SCOC: variants seen among roughly 807,000 people sequenced by gnomAD.
SCOC encodes short coiled coil protein.
SCOC carries 7 observed loss-of-function variants against 9.9 expected under a neutral mutation model. The ratio of observed to expected loss-of-function variants is 0.71; its 90% CI spans 0.40 to 1.33. SCOC has a LOEUF of 1.33. SCOC is among the 40% of genes most tolerant of loss of function. SCOC has a pLI of 0.01. For synonymous variants in SCOC, 19 were observed against 28.2 expected (o/e 0.67, Z 1.03); for missense variants, 66 against 89.7 (o/e 0.74, Z 1.07).
At chr4:140,293,364 G>A (rs539126091) in intron 1 of SCOC, 16 of 456,922 alleles carry the variant, frequency 3.5e-5, no homozygotes, top group Middle Eastern at 3.2e-4. Flanking sequence ...TGTGTCTTGT[G>A]TCTTCTGAGC....
At chr4:140,352,653 TAAG>T (rs1727030968) in intron 2 of SCOC, among the ~76,000 whole-genome samples, 1 of 152,206 alleles carries the variant, frequency 6.6e-6, no homozygotes, top group Non-Finnish European at 1.5e-5. Context: ...TAAACAAGCT[TAAG>T]AAATGGCATG....
intron 1 of SCOC, among the ~76,000 whole-genome samples, chr4:140,280,606 C>G (rs902230898): frequency 4.6e-5 from 7 of 152,158 alleles, no homozygotes; most frequent in African/African-American, 1.7e-4. Context: ...ACTTGGTATG[C>G]GTCTAGAATA....
At chr4:140,337,260 A>G (rs2126502461) in intron 1 of SCOC, among the ~76,000 whole-genome samples, 1 of 152,234 alleles carries the variant, frequency 6.6e-6, no homozygotes, top group Admixed American at 6.6e-5. Context: ...CAATTTATCT[A>G]TTTTTTCTTT....
chr4:140,340,721 G>A (rs190531978), upstream of SCOC, among the ~76,000 whole-genome samples: 18 of 148,658 alleles, frequency 1.2e-4, no homozygotes, highest in African/African-American at 4.2e-4. Flanking sequence ...AGTTAAAAGT[G>A]AGCCTCTTTT....
chr4:140,341,214 T>A (rs967737209), upstream of SCOC, among the ~76,000 whole-genome samples: 2 of 152,114 alleles, frequency 1.3e-5, no homozygotes, highest in African/African-American at 4.8e-5. Flanking sequence ...ATAAAGTTGG[T>A]TGTAAATAAT....
chr4:140,354,025 A>C (rs569674954), intron 2 of SCOC, among the ~76,000 whole-genome samples: 1 of 152,342 alleles, frequency 6.6e-6, no homozygotes, highest in Non-Finnish European at 1.5e-5. Context: ...GTTGTTTGAA[A>C]AGCTTGTATT....
Position 140,378,535 on chromosome 4 carries a change from A to G in SCOC, c.-50-586A>G, listed in dbSNP as rs531072154. Among the ~76,000 whole-genome samples the G allele has an allele frequency of 3.9e-5, 6 of 152,218 alleles. No individual in the cohort carries two copies. The South Asian group carries it at 1.0e-3, about 26-fold the overall frequency. On this transcript the variant is annotated intron_variant, in intron 1 of 3. Coordinates refer to ENST00000608372, the MANE Select transcript of SCOC (RefSeq NM_001153484.2). ...GCTTGGGTCCAGGAGTTTAATACAG[A>G]CTGGGCAACTTGGCAAGACCCTCAT... is the stretch of plus-strand genomic sequence containing the variant.
At chr4:140,273,142 C>T (rs1730886861) in intron 1 of SCOC, among the ~76,000 whole-genome samples, 1 of 152,130 alleles carries the variant, frequency 6.6e-6, no homozygotes, top group Admixed American at 6.5e-5. Flanking sequence ...CAGCTCCTTC[C>T]TGAGGAGATG....
chr4:140,347,245 G>C (rs1726778277), intron 2 of SCOC, among the ~76,000 whole-genome samples: 1 of 152,128 alleles, frequency 6.6e-6, no homozygotes, highest in Non-Finnish European at 1.5e-5. Flanking sequence ...ATATGGAACT[G>C]TTTGGTGTTT....
At chr4:140,363,038 T>A (rs1727638166) in intron 2 of SCOC, among the ~76,000 whole-genome samples, 1 of 152,156 alleles carries the variant, frequency 6.6e-6, no homozygotes, top group Non-Finnish European at 1.5e-5. Flanking sequence ...AAGAGCAAGC[T>A]TGCTTCCACT....
At chr4:140,305,534 A>T (rs1241437086) in intron 1 of SCOC, among the ~76,000 whole-genome samples, 2 of 152,252 alleles carry the variant, frequency 1.3e-5, no homozygotes, top group Non-Finnish European at 2.9e-5. Flanking sequence ...ACCAACAAAC[A>T]AATGAACAAA....
rs1361371449 is a variant in SCOC at position 140,366,348 on chromosome 4, T to TTC, written c.71-12771_71-12770dup. The TTC allele has an allele frequency of 1.1e-5, 15 of 1,309,810 alleles. No homozygotes were observed. The African/African-American group carries it at 1.5e-4, about 13-fold the overall frequency. The allele number at this position is 1,309,810 out of a possible 1,614,324, so 81.1% of individuals were successfully genotyped here. A position where few individuals can be genotyped will look rare whatever the true frequency, so the allele number is the denominator to read the frequency against. Reference sequence around the variant, plus strand: ...GCCTGTGGCTTTCTGGGCAGGAAGCTTCTAAGCTGGAGCCTTCTTGCCTGC... The same window carrying TTC: ...GCCTGTGGCTTTCTGGGCAGGAAGCTTCTCTAAGCTGGAGCCTTCTTGCCTGC... On this transcript the variant is annotated intron_variant, in intron 2 of 4. Coordinates refer to the SCOC transcript ENST00000338517.
chr4:140,379,681 A>G (rs1421493440), intron 3 of SCOC, 29 bp downstream of exon 3: 14 of 1,470,292 alleles, frequency 9.5e-6, no homozygotes, highest in Non-Finnish European at 1.3e-5. Context: ...GTTTATTTGA[A>G]TGACAGCCAA....
At chr4:140,291,893 C>T (rs1392518590) in intron 1 of SCOC, among the ~76,000 whole-genome samples, 1 of 152,164 alleles carries the variant, frequency 6.6e-6, no homozygotes, top group African/African-American at 2.4e-5. Flanking sequence ...TAAGAAAGGA[C>T]TAGAGAACTC....
intron 2 of SCOC, among the ~76,000 whole-genome samples, chr4:140,357,970 A>G (rs905702554): frequency 6.6e-6 from 1 of 151,782 alleles, no homozygotes; most frequent in South Asian, 2.1e-4. Flanking sequence ...TCTGTGGTGT[A>G]TGTCTCCTTT....
Position 140,383,847 on chromosome 4 carries a change from C to T in SCOC, c.*2743C>T, listed in dbSNP as rs1728634842. Reference sequence around the variant, plus strand: ...CCACAACCAAGCTTTTGACCAAATTCTCAAAGTATGTATTATTTTTGCCTT... The same window carrying T: ...CCACAACCAAGCTTTTGACCAAATTTTCAAAGTATGTATTATTTTTGCCTT... On this transcript the variant is annotated 3_prime_UTR_variant, in exon 4 of 4. Coordinates refer to ENST00000608372, the MANE Select transcript of SCOC (RefSeq NM_001153484.2). The T allele has an allele frequency of 6.6e-6, 1 of 152,200 alleles. No homozygotes were observed. Among genetic ancestry groups the T allele is most frequent in the African/African-American group, 2.4e-5 (1 of 41,450 alleles). The allele number at this position is 152,200 out of a possible 1,614,324, so 9.4% of individuals were successfully genotyped here. A position where few individuals can be genotyped will look rare whatever the true frequency, so the allele number is the denominator to read the frequency against.
intron 1 of SCOC, chr4:140,284,945 TA>T: frequency 3.9e-6 from 1 of 258,976 alleles, no homozygotes; most frequent in South Asian, 4.5e-5. Context: ...TGGCTTAGTG[TA>T]AAAGTACAAT....
At chr4:140,309,281 G>A (rs561058284) in intron 1 of SCOC, among the ~76,000 whole-genome samples, 1 of 152,180 alleles carries the variant, frequency 6.6e-6, no homozygotes, top group Non-Finnish European at 1.5e-5. Context: ...CCAGCAGGTG[G>A]AGCCTCACCT....
At chr4:140,373,629 T>A (rs1380674935), upstream of SCOC, 1 of 1,551,252 alleles carries the variant, frequency 6.4e-7, no homozygotes, top group East Asian at 2.4e-5. Context: ...GTGGGCGGAG[T>A]GGGCGGAGCT....
Sources: gnomAD v4.1 joint callset for allele counts (sites outside exome capture counted in the v4.1 genomes callset) on GRCh38, gnomAD v4.1.1 for gene constraint, MANE v1.5 for transcripts, NCBI Gene and HGNC (gene_info 2026-07-23, HGNC 2026-07-21) for gene names.